DGKB: variants seen among roughly 807,000 people sequenced by gnomAD.
DGKB encodes 90 kDa diacylglycerol kinase.
DGKB carries 67 observed loss-of-function variants against 114.3 expected under a neutral mutation model. The observed-to-expected ratio is 0.59, with a 90% CI of 0.48 to 0.72. The LOEUF (loss-of-function observed/expected upper bound fraction) is 0.72. Ranked by LOEUF, DGKB falls within the 30% of genes least tolerant of loss-of-function variation. DGKB has a pLI of 0.00. For synonymous variants in DGKB, 398 were observed against 323.1 expected (o/e 1.23, Z -2.49); for missense variants, 907 against 975.2 (o/e 0.93, Z 0.93).
At position 14,834,993 on chromosome 7, in the gene DGKB, T is replaced by A. The variant is rs1199960706; in HGVS notation, c.70+6201A>T. Among the ~76,000 whole-genome samples, 4 of 152,190 alleles carry A rather than the reference T, an allele frequency of 2.6e-5. No individual in the cohort carries two copies. In the South Asian group the frequency reaches 8.3e-4, roughly 32 times the overall value. ...CACAGAGAAGCCACCAACAGGAAAT[T>A]GTGTCTGAAGCAGTACAACAAATAG... On this transcript the variant is annotated intron_variant, in intron 2 of 25. Transcript: ENST00000402815.
At chr7:14,441,628 T>C (rs1830105576) in intron 21 of DGKB, among the ~76,000 whole-genome samples, 1 of 152,146 alleles carries the variant, frequency 6.6e-6, no homozygotes. Flanking sequence ...AGATCTTGAA[T>C]GCAGTACAAA....
chr7:14,653,255 C>G (rs1814996618), intron 13 of DGKB, among the ~76,000 whole-genome samples: 1 of 150,456 alleles, frequency 6.6e-6, no homozygotes, highest in Middle Eastern at 3.4e-3. Context: ...GGAACCAACC[C>G]AAATGTCCCA....
chr7:14,659,154 A>C (rs1305976732), intron 13 of DGKB, among the ~76,000 whole-genome samples: 2 of 151,876 alleles, frequency 1.3e-5, no homozygotes, highest in Non-Finnish European at 2.9e-5. Context: ...TCTATTCTTA[A>C]AGGCTCATCA....
intron 25 of DGKB, among the ~76,000 whole-genome samples, chr7:14,160,972 A>T (rs568865394): frequency 6.6e-6 from 1 of 152,250 alleles, no homozygotes; most frequent in South Asian, 2.1e-4. Context: ...CAAGAAAAAA[A>T]CAAACAACCC....
intron 1 of DGKB, among the ~76,000 whole-genome samples, chr7:14,953,067 C>T (rs533189393): frequency 6.5e-4 from 99 of 152,074 alleles, no homozygotes; most frequent in African/African-American, 2.2e-3. Context: ...TCTAAAAATA[C>T]ACCATAGGCC....
At chr7:14,918,731 T>G (rs1305534945) in intron 1 of DGKB, among the ~76,000 whole-genome samples, 1 of 152,068 alleles carries the variant, frequency 6.6e-6, no homozygotes, top group East Asian at 1.9e-4. Flanking sequence ...CCAATCAAAA[T>G]TTCAGCAAGT....
chr7:14,683,988 A>G (rs1450245255), intron 10 of DGKB, among the ~76,000 whole-genome samples: 1 of 152,140 alleles, frequency 6.6e-6, no homozygotes, highest in Non-Finnish European at 1.5e-5. Context: ...AGACTGTACC[A>G]TAAAAATTCC....
In DGKB at chr7:14,821,921, A is replaced by T. The variant is rs1217263065; in HGVS notation, c.70+19273T>A. On this transcript the variant is annotated intron_variant, in intron 2 of 25. Coordinates refer to ENST00000402815, the MANE Select transcript of DGKB (RefSeq NM_001350709.2). Reference sequence around the variant, plus strand: ...AAGAGAAATGGTGAAATTATTTTAGATAGTTGACCTGCTGGTAGTTGGTAT... The same window carrying T: ...AAGAGAAATGGTGAAATTATTTTAGTTAGTTGACCTGCTGGTAGTTGGTAT... Among the ~76,000 whole-genome samples, 32 of 152,144 alleles carry T rather than the reference A, an allele frequency of 2.1e-4. 1 individual carries two copies. The highest frequency in any genetic ancestry group is 2.1e-3 in the Admixed American group (32 of 15,258).
At chr7:14,382,081 A>G (rs912102241) in intron 21 of DGKB, among the ~76,000 whole-genome samples, 4 of 136,200 alleles carry the variant, frequency 2.9e-5, no homozygotes, top group Non-Finnish European at 4.9e-5. Context: ...ATTAAGTCTA[A>G]ACTGCAAATA....
At chr7:14,637,044 T>C (rs894047553) in intron 13 of DGKB, among the ~76,000 whole-genome samples, 7 of 151,870 alleles carry the variant, frequency 4.6e-5, no homozygotes, top group African/African-American at 1.2e-4. Flanking sequence ...ACATGATACA[T>C]AGCGCACAAG....
At chr7:14,668,722 A>G (rs1053720982) in intron 13 of DGKB, among the ~76,000 whole-genome samples, 2 of 152,104 alleles carry the variant, frequency 1.3e-5, no homozygotes, top group African/African-American at 4.8e-5. Flanking sequence ...TACTATTTCT[A>G]AAATCTATTA....
rs571237566 is a variant in DGKB, at chr7:14,576,781, C to T, written c.1610-2409G>A. Among the ~76,000 whole-genome samples the T allele has an allele frequency of 7.2e-5, 11 of 152,170 alleles. No individual in the cohort carries two copies. In the South Asian group the frequency reaches 1.7e-3, roughly 23 times the overall value. ...CCACATCTAGATTGTAGCAGGGTCA[C>T]GCAGCTTAAAATCTTTACCACTGGA... On this transcript the variant is annotated intron_variant, in intron 19 of 25. Transcript: ENST00000402815.
At chr7:14,963,542 T>C (rs1376861351) in intron 1 of DGKB, among the ~76,000 whole-genome samples, 1 of 152,208 alleles carries the variant, frequency 6.6e-6, no homozygotes, top group African/African-American at 2.4e-5. Context: ...TTAACCCTTT[T>C]ATGAATAATT....
At chr7:14,699,874 G>A (rs1824798482) in intron 7 of DGKB, among the ~76,000 whole-genome samples, 2 of 151,452 alleles carry the variant, frequency 1.3e-5, no homozygotes, top group Admixed American at 1.3e-4. Flanking sequence ...GTAGTCTACT[G>A]TATATGCTAA....
At chr7:14,665,213 C>A (rs1000004682) in intron 13 of DGKB, among the ~76,000 whole-genome samples, 2 of 151,820 alleles carry the variant, frequency 1.3e-5, no homozygotes, top group Non-Finnish European at 2.9e-5. Flanking sequence ...TCTTCAAGAT[C>A]GATCGTGTTC....
chr7:14,269,180 C>T (rs1797935001), intron 23 of DGKB: 1 of 152,246 alleles, frequency 6.6e-6, no homozygotes, highest in Non-Finnish European at 1.5e-5. Flanking sequence ...TATGACATGG[C>T]AGCTGGCTTT....
chr7:14,247,402 T>C (rs926282580), intron 23 of DGKB, among the ~76,000 whole-genome samples: 1 of 152,126 alleles, frequency 6.6e-6, no homozygotes, highest in Admixed American at 6.5e-5. Context: ...GCAGTTCTGT[T>C]TTTAATTTTG....
chr7:14,895,589 T>C (rs2128230770), intron 1 of DGKB, among the ~76,000 whole-genome samples: 1 of 151,780 alleles, frequency 6.6e-6, no homozygotes, highest in South Asian at 2.1e-4. Context: ...TATCCGTCTT[T>C]CACCAAAGTG....
At chr7:14,499,247 C>G (rs987896210) in intron 20 of DGKB, among the ~76,000 whole-genome samples, 1 of 151,582 alleles carries the variant, frequency 6.6e-6, no homozygotes, top group Non-Finnish European at 1.5e-5. Flanking sequence ...AGAAAGATAA[C>G]TAAGTTTGTT....
Sources: allele counts gnomAD v4.1 joint callset (sites outside exome capture counted in the v4.1 genomes callset), GRCh38; gene constraint gnomAD v4.1.1; transcripts MANE v1.5; gene names NCBI Gene and HGNC (gene_info 2026-07-23, HGNC 2026-07-21).